The following PLAT variants were observed in gnomAD, a reference collection of about 807,000 sequenced individuals.
PLAT encodes the protein tissue-type plasminogen activator.
PLAT carries 48 observed loss-of-function variants against 74.9 expected under a neutral mutation model. The observed-to-expected ratio is 0.64, with a 90% CI of 0.51 to 0.82. The LOEUF (loss-of-function observed/expected upper bound fraction) is 0.82, where lower values mean the gene tolerates loss of function less well. Ranked by LOEUF, PLAT falls within the 40% of genes least tolerant of loss-of-function variation. PLAT has a pLI of 0.00. For missense variants in PLAT, 673 were observed against 736.2 expected, an observed-to-expected ratio of 0.91 and a Z score of 0.99; for synonymous variants, 307 against 294.4, an observed-to-expected ratio of 1.04 and a Z score of -0.44.
At chr8:42,202,330 G>A (rs904777570) in intron 1 of PLAT, among the ~76,000 whole-genome samples, 3 of 151,950 alleles carry the variant, frequency 2.0e-5, no homozygotes, top group Non-Finnish European at 4.4e-5. Context: ...CTGTGTGCCC[G>A]GCCTCTGTTA....
In PLAT at chr8:42,180,335, G is replaced by A. The variant is rs932225923; in HGVS notation, c.1129C>T (p.Arg377Trp). Residue 377 changes from arginine (R) to tryptophan (W), a missense_variant, in exon 11 of 14, where the codon CGG becomes TGG. Transcript: ENST00000220809. ...TGCTCCTCCTCGCCAGGGACCACCC[G>A]GTATGTTCTGCCCAAGATCACCGTC... ...HLTVILGRTY[R>W]VVPGEEEQKF... 8 of 1,614,080 alleles carry A rather than the reference G, an allele frequency of 5.0e-6. No individual in the cohort carries two copies. In the African/African-American group the frequency reaches 5.3e-5, roughly 11 times the overall value.
intron 1 of PLAT, among the ~76,000 whole-genome samples, chr8:42,198,917 TAAGAA>T (rs1806022222): frequency 6.6e-6 from 1 of 151,828 alleles, no homozygotes; most frequent in Non-Finnish European, 1.5e-5. Context: ...TGCCAACAAT[TAAGAA>T]AAGAAACGGC....
At chr8:42,200,815 G>A (rs1283367422) in intron 1 of PLAT, among the ~76,000 whole-genome samples, 1 of 151,520 alleles carries the variant, frequency 6.6e-6, no homozygotes, top group Non-Finnish European at 1.5e-5. Flanking sequence ...CACTGTCTAT[G>A]TGACACCCAA....
At chr8:42,184,302 C>T (rs1344913739) in intron 7 of PLAT, among the ~76,000 whole-genome samples, 2 of 152,050 alleles carry the variant, frequency 1.3e-5, no homozygotes, top group South Asian at 2.1e-4. Flanking sequence ...TGATAAGTAA[C>T]GTAATGATTT....
Position 42,175,858 on chromosome 8 carries a change from C to G in PLAT, c.*135G>C. The G allele has an allele frequency of 1.3e-6, 1 of 784,390 alleles. No individual in the cohort carries two copies. Among genetic ancestry groups the G allele is most frequent in the Non-Finnish European group, 2.1e-6 (1 of 483,302 alleles). The allele number at this position is 784,390 out of a possible 1,614,324, so 48.6% of individuals were successfully genotyped here. A position where few individuals can be genotyped will look rare whatever the true frequency, so the allele number is the denominator to read the frequency against. On this transcript the variant is annotated 3_prime_UTR_variant, in exon 14 of 14. Coordinates refer to ENST00000220809, the MANE Select transcript of PLAT (RefSeq NM_000930.5). Reference sequence around the variant, plus strand: ...TCTGGGAAAATGCACTCTTCCCTCTCCTGTAGGGTCTCGTCCCGCTTCTGC... The same window carrying G: ...TCTGGGAAAATGCACTCTTCCCTCTGCTGTAGGGTCTCGTCCCGCTTCTGC...
chr8:42,175,802 C>A lies in PLAT; in HGVS notation c.*191G>T, dbSNP rs775278234. On this transcript the variant is annotated 3_prime_UTR_variant, in exon 14 of 14. Transcript: ENST00000220809. ...CTGACAGAGTATCCTGAAATCAGAC[C>A]AAGTCCTGAAAACTTCCAAAATGGG... 5.3e-6 allele frequency: 3 copies of A among 562,716 alleles called. No homozygotes were observed. The highest frequency in any genetic ancestry group is 1.9e-5 in the African/African-American group (1 of 53,248). 34.9% of individuals were successfully genotyped at this position (562,716 alleles called of 1,614,324 possible). A position where few individuals can be genotyped will look rare whatever the true frequency, so the allele number is the denominator to read the frequency against.
intron 12 of PLAT, among the ~76,000 whole-genome samples, chr8:42,179,394 T>C (rs1272080099): frequency 4.6e-5 from 7 of 152,174 alleles, no homozygotes; most frequent in African/African-American, 7.2e-5. Flanking sequence ...CACCCTAAAC[T>C]GTAACAACCA....
chr8:42,200,391 T>A (rs1270484630), intron 1 of PLAT, among the ~76,000 whole-genome samples: 3 of 150,398 alleles, frequency 2.0e-5, no homozygotes, highest in Admixed American at 1.3e-4. Flanking sequence ...AATACAAAAA[T>A]TTGCAAGGTG....
At chr8:42,203,843 G>A (rs1009928340) in intron 1 of PLAT, among the ~76,000 whole-genome samples, 6 of 151,834 alleles carry the variant, frequency 4.0e-5, no homozygotes, top group African/African-American at 1.2e-4. Context: ...GCATGCCCCT[G>A]TAGTCCTAGC....
intron 1 of PLAT, among the ~76,000 whole-genome samples, chr8:42,204,557 G>A (rs1806260385): frequency 2.0e-5 from 3 of 151,898 alleles, no homozygotes; most frequent in African/African-American, 7.3e-5. Context: ...TGGCCAACAT[G>A]GTGAAAACTT....
At chr8:42,180,102 G>A (rs1177870018) in intron 11 of PLAT, 36 bp from the exon 12 acceptor site, 3 of 1,593,256 alleles carry the variant, frequency 1.9e-6, no homozygotes, top group African/African-American at 1.3e-5. Context: ...CTGGCGTGAG[G>A]GCCGCGTCCC....
chr8:42,191,269 A>G, intron 3 of PLAT, 103 bp downstream of exon 3: 1 of 877,714 alleles, frequency 1.1e-6, no homozygotes, highest in South Asian at 1.3e-5. Context: ...CACCGTAGGC[A>G]GGTGGTGGGT....
chr8:42,198,568 T>C (rs953760422), intron 1 of PLAT, among the ~76,000 whole-genome samples: 10 of 152,178 alleles, frequency 6.6e-5, no homozygotes, highest in African/African-American at 2.2e-4. Context: ...AACAGTGCAG[T>C]CGCTCCAGAT....
intron 1 of PLAT, among the ~76,000 whole-genome samples, chr8:42,204,113 A>C (rs1447336796): frequency 6.6e-6 from 1 of 151,628 alleles, no homozygotes; most frequent in Non-Finnish European, 1.5e-5. Flanking sequence ...ATGTGGCTTG[A>C]CTTAGGGTTG....
intron 7 of PLAT, among the ~76,000 whole-genome samples, chr8:42,183,434 A>G (rs922408183): frequency 2.0e-5 from 3 of 152,124 alleles, no homozygotes; most frequent in Non-Finnish European, 2.9e-5. Context: ...AGCAGGAAGA[A>G]CCACTTCCAT....
intron 8 of PLAT, chr8:42,182,234 C>T: frequency 2.2e-6 from 1 of 463,374 alleles, no homozygotes; most frequent in South Asian, 2.1e-5. Flanking sequence ...TCAGCCACAT[C>T]ACAGGCCATG....
Position 42,187,514 on chromosome 8 carries a change from T to C in PLAT, c.423A>G (p.Thr141=). 1 of 1,611,876 alleles carries C rather than the reference T, an allele frequency of 6.2e-7. No individual in the cohort carries two copies. The highest frequency in any genetic ancestry group is 8.5e-7 in the Non-Finnish European group (1 of 1,179,622). Residue 141 remains threonine (T), a synonymous_variant, in exon 6 of 14, where the codon ACA becomes ACG. Transcript: ENST00000220809. ...TGGTGCACTCGGCGCCACTCTCCGCTGTGCTCCACGTGCCCCTGTAGCTGA... is the reference window on the plus strand; with the variant it reads ...TGGTGCACTCGGCGCCACTCTCCGCCGTGCTCCACGTGCCCCTGTAGCTGA... ...QGISYRGTWS[T]AESGAECTNW...
In PLAT at chr8:42,187,923, C is replaced by T. The variant is rs1265270754; in HGVS notation, c.347G>A (p.Gly116Glu). ...FVCQCPEGFAGKCCEIDTRAT... is the reference protein window; with the variant it reads ...FVCQCPEGFAEKCCEIDTRAT... ...CTACTCACCTATTTCACAGCACTTC[C>T]CAGCAAATCCTTCGGGGCACTGGCA... The change falls in exon 5 of 14, where the codon GGG becomes GAG. Residue 116 changes from glycine to glutamate, a missense_variant. Transcript: ENST00000220809. 4 of 1,610,324 alleles carry T rather than the reference C, an allele frequency of 2.5e-6. No individual in the cohort carries two copies. Among genetic ancestry groups the T allele is most frequent in the Non-Finnish European group, 3.4e-6 (4 of 1,176,634 alleles).
intron 5 of PLAT, 62 bp downstream of exon 5, chr8:42,187,844 G>A (rs1312266930): frequency 2.2e-5 from 26 of 1,173,114 alleles, no homozygotes; most frequent in East Asian, 2.1e-4. Flanking sequence ...CTTTCCTTCC[G>A]GGGGCGGGGG....
Sources: allele counts gnomAD v4.1 joint callset (sites outside exome capture counted in the v4.1 genomes callset), GRCh38; gene constraint gnomAD v4.1.1; transcripts MANE v1.5; gene names NCBI Gene and HGNC (gene_info 2026-07-23, HGNC 2026-07-21).